Variants in SPATA9 observed in about 807,000 individuals in gnomAD.
SPATA9 encodes spermatogenesis associated 9, also known as spermatogenesis-associated protein 9.
In SPATA9, 27 loss-of-function variants were observed where a neutral mutation model predicts 25.5. The observed-to-expected ratio is 1.06, with a 90% CI of 0.78 to 1.46. SPATA9 has a LOEUF of 1.46. Ranked by LOEUF, SPATA9 falls within the 40% of genes most tolerant of loss-of-function variation. The pLI, the probability that SPATA9 is intolerant of heterozygous loss-of-function variation, is 0.00. For synonymous variants in SPATA9, 102 were observed against 105.7 expected (o/e 0.97, Z 0.21); for missense variants, 282 against 297.5 (o/e 0.95, Z 0.38).
upstream of SPATA9, among the ~76,000 whole-genome samples, chr5:95,701,727 T>A (rs1446098007): frequency 1.3e-5 from 2 of 152,022 alleles, no homozygotes; most frequent in Admixed American, 1.3e-4. Flanking sequence ...AAAATCCCTA[T>A]AAGTAAGATC....
At chr5:95,690,182 G>C (rs560576430) in intron 1 of SPATA9, among the ~76,000 whole-genome samples, 1 of 151,526 alleles carries the variant, frequency 6.6e-6, no homozygotes, top group South Asian at 2.1e-4. Flanking sequence ...TAAAATAAAA[G>C]TTAAAAAAAA....
intron 2 of SPATA9, among the ~76,000 whole-genome samples, chr5:95,681,006 G>T (rs929498149): frequency 2.0e-5 from 3 of 152,150 alleles, no homozygotes; most frequent in African/African-American, 7.2e-5. Context: ...TATCTCTTGT[G>T]CTCAACCCAT....
the SPATA9 span, among the ~76,000 whole-genome samples, chr5:95,726,027 C>A: frequency 6.6e-6 from 1 of 152,122 alleles, no homozygotes; most frequent in Non-Finnish European, 1.5e-5. Context: ...TATTGGAACA[C>A]AATGTAGTAA....
downstream of SPATA9, among the ~76,000 whole-genome samples, chr5:95,654,615 A>G (rs1387567183): frequency 1.3e-5 from 2 of 152,196 alleles, no homozygotes; most frequent in Non-Finnish European, 2.9e-5. Flanking sequence ...ATTATTTATT[A>G]TAATGAATAA....
At chr5:95,731,469 T>TC in the SPATA9 span, 1 of 1,220,848 alleles carries the variant, frequency 8.2e-7, no homozygotes, top group Non-Finnish European at 1.0e-6. Context: ...CGGCAGCTTA[T>TC]CCCCCGCCCG....
chr5:95,692,219 C>G (rs1753912347), intron 1 of SPATA9, among the ~76,000 whole-genome samples: 1 of 151,980 alleles, frequency 6.6e-6, no homozygotes, highest in Non-Finnish European at 1.5e-5. Context: ...ATAATAACAT[C>G]AGAATATTTC....
the SPATA9 span, among the ~76,000 whole-genome samples, chr5:95,711,556 G>T: frequency 1.3e-5 from 2 of 152,194 alleles, no homozygotes; most frequent in African/African-American, 2.4e-5. Context: ...GCTTCCTCCC[G>T]CCGCGGCCGC....
At chr5:95,710,949 G>A in the SPATA9 span, among the ~76,000 whole-genome samples, 1 of 152,016 alleles carries the variant, frequency 6.6e-6, no homozygotes. Context: ...ATCTGGGGCT[G>A]CCTGAGCCAC....
At chr5:95,687,215 G>A (rs1176363671), upstream of SPATA9, among the ~76,000 whole-genome samples, 1 of 152,204 alleles carries the variant, frequency 6.6e-6, no homozygotes, top group African/African-American at 2.4e-5. Context: ...TTAGGAGACA[G>A]CAGATTCAGG....
upstream of SPATA9, among the ~76,000 whole-genome samples, chr5:95,699,753 TG>T (rs549049266): frequency 6.6e-4 from 101 of 152,292 alleles, 1 homozygote; most frequent in African/African-American, 2.4e-3. Context: ...GCAAGTTTGG[TG>T]GGTGAGCATA....
intron 2 of SPATA9, among the ~76,000 whole-genome samples, chr5:95,680,261 T>G (rs1753328471): frequency 6.6e-6 from 1 of 152,130 alleles, no homozygotes; most frequent in Non-Finnish European, 1.5e-5. Context: ...ATATAACAAT[T>G]ACCTTCTATT....
chr5:95,682,280 A>C (rs927149325), intron 2 of SPATA9, among the ~76,000 whole-genome samples: 1 of 152,130 alleles, frequency 6.6e-6, no homozygotes, highest in Non-Finnish European at 1.5e-5. Flanking sequence ...CCAGGTGTTT[A>C]CCCTAATGAC....
intron 2 of SPATA9, among the ~76,000 whole-genome samples, chr5:95,678,058 C>G (rs1402458725): frequency 6.6e-6 from 1 of 152,138 alleles, no homozygotes; most frequent in African/African-American, 2.4e-5. Flanking sequence ...ACCCCAGAAG[C>G]CATCATCTCA....
upstream of SPATA9, among the ~76,000 whole-genome samples, chr5:95,686,944 C>T (rs1308920940): frequency 2.0e-5 from 3 of 152,158 alleles, no homozygotes; most frequent in African/African-American, 7.2e-5. Context: ...TAGGGTATTC[C>T]TTTCACGGAC....
the SPATA9 span, among the ~76,000 whole-genome samples, chr5:95,705,891 C>T: frequency 6.6e-6 from 1 of 152,122 alleles, no homozygotes; most frequent in South Asian, 2.1e-4. Flanking sequence ...AGAAACCTTC[C>T]CAGATTTTCT....
At chr5:95,709,792 G>C in the SPATA9 span, among the ~76,000 whole-genome samples, 2 of 152,176 alleles carry the variant, frequency 1.3e-5, no homozygotes, top group Non-Finnish European at 2.9e-5. Flanking sequence ...CTTTTCTTCT[G>C]GCAAGTTTTT....
Position 95,663,888 on chromosome 5 carries a change from GTAT to G in SPATA9, c.474+62_474+64del, listed in dbSNP as rs1033305366. 161 of 878,498 alleles carry G rather than the reference GTAT, an allele frequency of 1.8e-4. 1 individual carries two copies. Among genetic ancestry groups the G allele is most frequent in the South Asian group, 8.4e-4 (43 of 51,130 alleles). 54.4% of individuals were successfully genotyped at this position (878,498 alleles called of 1,614,324 possible). ...ATATTGTACAGTATACTATTGCACA[GTAT>G]TATTAACATTACACAAAATAAGTAG... On this transcript the variant is annotated intron_variant, in intron 4 of 4. Coordinates refer to ENST00000274432, the MANE Select transcript of SPATA9 (RefSeq NM_031952.4).
At chr5:95,715,306 G>A in the SPATA9 span, among the ~76,000 whole-genome samples, 2 of 147,544 alleles carry the variant, frequency 1.4e-5, no homozygotes, top group African/African-American at 5.0e-5. Flanking sequence ...CCTGGGGACA[G>A]AGAGAGATTC....
the SPATA9 span, chr5:95,731,331 G>T: frequency 9.1e-7 from 1 of 1,095,018 alleles, no homozygotes; most frequent in Non-Finnish European, 1.1e-6. Flanking sequence ...AGCAGCGGCA[G>T]CGGCAGCAGG....
Sources: allele counts gnomAD v4.1 joint callset (sites outside exome capture counted in the v4.1 genomes callset), GRCh38; gene constraint gnomAD v4.1.1; transcripts MANE v1.5; gene names NCBI Gene and HGNC (gene_info 2026-07-23, HGNC 2026-07-21).